The following PTPRD variants were observed in gnomAD, a reference collection of about 807,000 sequenced individuals.
The protein encoded by PTPRD is protein tyrosine phosphatase receptor type D, also known as receptor-type tyrosine-protein phosphatase delta.
In PTPRD, 34 loss-of-function variants were observed where a neutral mutation model predicts 214.5. That is an observed-to-expected ratio of 0.16 (90% CI 0.12 to 0.21). PTPRD has a LOEUF of 0.21. Ranked by LOEUF, PTPRD falls within the 10% of genes least tolerant of loss-of-function variation. PTPRD has a pLI of 1.00. For synonymous variants in PTPRD, 1,128 were observed against 845.7 expected (o/e 1.33, Z -5.79); for missense variants, 2,545 against 2,398.7 (o/e 1.06, Z -1.27).
chr9:9,166,783 C>T (rs75364302), intron 10 of PTPRD, among the ~76,000 whole-genome samples: 5 of 152,020 alleles, frequency 3.3e-5, no homozygotes, highest in Non-Finnish European at 7.4e-5. Context: ...AAATACCTCT[C>T]CCCAAAAGAA....
At chr9:9,126,907 G>A (rs116612729) in intron 10 of PTPRD, among the ~76,000 whole-genome samples, 1 of 152,092 alleles carries the variant, frequency 6.6e-6, no homozygotes, top group Non-Finnish European at 1.5e-5. Context: ...AATGCAGGTG[G>A]CTGGAGCCCA....
intron 7 of PTPRD, among the ~76,000 whole-genome samples, chr9:9,704,256 T>C (rs947973247): frequency 1.3e-5 from 2 of 152,042 alleles, no homozygotes; most frequent in Non-Finnish European, 2.9e-5. Flanking sequence ...TCTTCTTTTT[T>C]CTTTTTTTTT....
intron 2 of PTPRD, among the ~76,000 whole-genome samples, chr9:10,511,926 ATATACGTGTATATATATATACG>A (rs2048224581): frequency 9.4e-6 from 1 of 106,722 alleles, no homozygotes; most frequent in East Asian, 2.9e-4. Context: ...GTGTATATAT[ATATACGTGTATATATATATACG>A]TGTGTGTATA....
At chr9:8,586,153 A>C (rs2154258780) in intron 14 of PTPRD, among the ~76,000 whole-genome samples, 1 of 152,280 alleles carries the variant, frequency 6.6e-6, no homozygotes, top group South Asian at 2.1e-4. Context: ...TACAAAAATT[A>C]GCTAGGCGTG....
intron 7 of PTPRD, among the ~76,000 whole-genome samples, chr9:9,600,317 C>T (rs73641329): frequency 0.019 from 2,855 of 152,074 alleles, 77 homozygotes; most frequent in African/African-American, 0.065. Flanking sequence ...CAGTATGTTT[C>T]TTTTTTGCAC....
At chr9:10,343,538 T>C (rs1178652772) in intron 2 of PTPRD, among the ~76,000 whole-genome samples, 2 of 152,164 alleles carry the variant, frequency 1.3e-5, no homozygotes, top group Non-Finnish European at 2.9e-5. Context: ...TTCTAGGTCC[T>C]TGAGGAATCG....
At chr9:8,984,242 T>C (rs1357499101) in intron 11 of PTPRD, among the ~76,000 whole-genome samples, 1 of 152,066 alleles carries the variant, frequency 6.6e-6, no homozygotes, top group Non-Finnish European at 1.5e-5. Context: ...TCAATCTACT[T>C]TCAAACATTT....
At chr9:9,805,193 A>G (rs4742622) in intron 5 of PTPRD, among the ~76,000 whole-genome samples, 28,376 of 152,074 alleles carry the variant, frequency 0.19, 2,777 homozygotes, top group Non-Finnish European at 0.21. Flanking sequence ...AAATGTCTCA[A>G]TAACCCCCAA....
intron 11 of PTPRD, chr9:8,962,905 C>T (rs1172540099): frequency 6.6e-6 from 1 of 152,004 alleles, no homozygotes. Context: ...ACTCCTTTAA[C>T]CGGCAATGTG....
chr9:10,370,872 C>A (rs747505404), intron 2 of PTPRD, among the ~76,000 whole-genome samples: 8 of 151,896 alleles, frequency 5.3e-5, no homozygotes, highest in Non-Finnish European at 1.2e-4. Flanking sequence ...TCTCTGTGAT[C>A]AATAATCCTC....
intron 8 of PTPRD, among the ~76,000 whole-genome samples, chr9:9,505,629 T>C (rs563198063): frequency 1.2e-4 from 18 of 151,598 alleles, no homozygotes; most frequent in Admixed American, 9.9e-4. Flanking sequence ...CTGCATTCTA[T>C]GATAGGTGGC....
At chr9:9,057,613 G>A (rs1433871813) in intron 10 of PTPRD, among the ~76,000 whole-genome samples, 1 of 152,080 alleles carries the variant, frequency 6.6e-6, no homozygotes, top group Non-Finnish European at 1.5e-5. Context: ...GATCTGACAT[G>A]TTACCGTAAT....
intron 11 of PTPRD, among the ~76,000 whole-genome samples, chr9:8,942,228 T>C (rs2099038531): frequency 6.6e-6 from 1 of 152,204 alleles, no homozygotes; most frequent in Non-Finnish European, 1.5e-5. Context: ...CCCCTGTCTA[T>C]CATCTTGTAA....
intron 5 of PTPRD, among the ~76,000 whole-genome samples, chr9:9,926,507 C>T (rs548506273): frequency 7.0e-4 from 106 of 151,804 alleles, no homozygotes; most frequent in African/African-American, 2.3e-3. Flanking sequence ...ATGATGAATG[C>T]ATACAACAGA....
intron 9 of PTPRD, among the ~76,000 whole-genome samples, chr9:9,263,234 T>C (rs1008252508): frequency 2.0e-5 from 3 of 151,686 alleles, no homozygotes; most frequent in Non-Finnish European, 3.0e-5. Flanking sequence ...TTATGTACTT[T>C]AATTCTGTTT....
At chr9:8,514,230 G>A (rs1455698156) in intron 21 of PTPRD, among the ~76,000 whole-genome samples, 2 of 152,082 alleles carry the variant, frequency 1.3e-5, no homozygotes, top group African/African-American at 2.4e-5. Flanking sequence ...AATAGATTAC[G>A]ACTGAAGGCA....
chr9:9,411,200 C>A (rs1293622915), intron 8 of PTPRD, among the ~76,000 whole-genome samples: 1 of 150,506 alleles, frequency 6.6e-6, no homozygotes, highest in African/African-American at 2.4e-5. Flanking sequence ...CTATTCAATT[C>A]CCAATAATAT....
chr9:8,751,374 G>C (rs1041514394), intron 11 of PTPRD, among the ~76,000 whole-genome samples: 2 of 151,044 alleles, frequency 1.3e-5, no homozygotes, highest in African/African-American at 4.9e-5. Context: ...TTCAATCTGT[G>C]ATTCCGGAAA....
intron 12 of PTPRD, among the ~76,000 whole-genome samples, chr9:8,649,725 C>A (rs530491377): frequency 6.6e-6 from 1 of 152,064 alleles, no homozygotes; most frequent in East Asian, 1.9e-4. Flanking sequence ...GTTTTTATTA[C>A]AAAGATTAAT....
Sources: allele counts gnomAD v4.1 joint callset (sites outside exome capture counted in the v4.1 genomes callset), GRCh38; gene constraint gnomAD v4.1.1; transcripts MANE v1.5; gene names NCBI Gene and HGNC (gene_info 2026-07-23, HGNC 2026-07-21).